SH3PXD2B: variants seen among roughly 807,000 people sequenced by gnomAD.
The protein encoded by SH3PXD2B is SH3 and PX domain-containing protein 2B.
In SH3PXD2B, 37 loss-of-function variants were observed where a neutral mutation model predicts 73.1. The observed-to-expected ratio is 0.51, with a 90% confidence interval of 0.39 to 0.67. SH3PXD2B has a LOEUF of 0.67. Among genes scored for constraint, SH3PXD2B ranks in the 30% least tolerant of loss-of-function variants. The pLI, the probability that SH3PXD2B is intolerant of heterozygous loss-of-function variation, is 0.00. For synonymous variants in SH3PXD2B, 457 were observed against 480.5 expected (o/e 0.95, Z 0.64); for missense variants, 1,053 against 1,197.8 (o/e 0.88, Z 1.78).
chr5:172,430,042 G>A (rs999228309), intron 1 of SH3PXD2B, among the ~76,000 whole-genome samples: 2 of 152,176 alleles, frequency 1.3e-5, no homozygotes, highest in Admixed American at 6.5e-5. Flanking sequence ...TAACCCCCAT[G>A]ACTCAGTTTC....
intron 12 of SH3PXD2B, among the ~76,000 whole-genome samples, chr5:172,327,150 G>A (rs562833517): frequency 2.6e-5 from 4 of 152,200 alleles, no homozygotes; most frequent in South Asian, 2.1e-4. Context: ...ATGAACCACC[G>A]CGCCTGGCCT....
At chr5:172,350,940 T>C (rs1757148423) in intron 9 of SH3PXD2B, among the ~76,000 whole-genome samples, 2 of 152,170 alleles carry the variant, frequency 1.3e-5, no homozygotes, top group South Asian at 4.1e-4. Context: ...CAGATGGAGA[T>C]CTGTTCACGC....
intron 2 of SH3PXD2B, 122 bp downstream of exon 2, chr5:172,422,294 C>T (rs1758985531): frequency 1.1e-6 from 1 of 923,768 alleles, no homozygotes; most frequent in Non-Finnish European, 1.7e-6. Context: ...CACGCCCAGC[C>T]ATGGATGTCA....
intron 12 of SH3PXD2B, among the ~76,000 whole-genome samples, chr5:172,342,838 G>C (rs1046860653): frequency 3.3e-5 from 5 of 152,170 alleles, no homozygotes; most frequent in African/African-American, 4.8e-5. Flanking sequence ...ATGGCTGCGG[G>C]TACTTTGTGG....
intron 4 of SH3PXD2B, among the ~76,000 whole-genome samples, chr5:172,391,368 T>C (rs1424632681): frequency 6.6e-6 from 1 of 152,254 alleles, no homozygotes; most frequent in Non-Finnish European, 1.5e-5. Flanking sequence ...AAAATCGGGT[T>C]GTCTTACTAT....
chr5:172,393,672 G>A (rs1213018337), intron 4 of SH3PXD2B, among the ~76,000 whole-genome samples: 1 of 152,138 alleles, frequency 6.6e-6, no homozygotes, highest in Non-Finnish European at 1.5e-5. Context: ...AACATTTCTT[G>A]CTATTCCTAC....
intron 7 of SH3PXD2B, among the ~76,000 whole-genome samples, chr5:172,361,466 G>C (rs1213323614): frequency 1.3e-5 from 2 of 152,084 alleles, no homozygotes; most frequent in African/African-American, 4.8e-5. Flanking sequence ...GCTGCCCTCT[G>C]GACATACCAA....
intron 2 of SH3PXD2B, among the ~76,000 whole-genome samples, chr5:172,418,837 C>T (rs1758884989): frequency 6.6e-6 from 1 of 152,152 alleles, no homozygotes; most frequent in African/African-American, 2.4e-5. Context: ...TTATGCTGAG[C>T]ATGGAGGAAA....
intron 9 of SH3PXD2B, among the ~76,000 whole-genome samples, chr5:172,351,648 G>A (rs1158055875): frequency 6.6e-6 from 1 of 152,116 alleles, no homozygotes; most frequent in Non-Finnish European, 1.5e-5. Flanking sequence ...AGAGCTGGTT[G>A]TTAAACATTT....
At chr5:172,389,928 G>C (rs796682889) in intron 4 of SH3PXD2B, among the ~76,000 whole-genome samples, 7 of 152,234 alleles carry the variant, frequency 4.6e-5, no homozygotes, top group African/African-American at 1.7e-4. Context: ...ATGTTGCCCA[G>C]GCTGGTCTCA....
chr5:172,341,817 ATT>A (rs35817977), intron 12 of SH3PXD2B, among the ~76,000 whole-genome samples: 2 of 145,018 alleles, frequency 1.4e-5, no homozygotes, highest in Admixed American at 6.9e-5. Context: ...TGCCCGGCTA[ATT>A]TTTTTTTTTT....
At chr5:172,415,331 A>G (rs1581321453) in intron 2 of SH3PXD2B, among the ~76,000 whole-genome samples, 1 of 152,262 alleles carries the variant, frequency 6.6e-6, no homozygotes, top group African/African-American at 2.4e-5. Context: ...TGTATCTTAG[A>G]GGGAGGAGCC....
intron 5 of SH3PXD2B, among the ~76,000 whole-genome samples, chr5:172,375,429 T>C (rs948222315): frequency 3.3e-5 from 5 of 152,154 alleles, no homozygotes; most frequent in African/African-American, 1.2e-4. Context: ...TTTTAGTATA[T>C]TCACAAGGTT....
At chr5:172,420,145 C>T (rs1313150264) in intron 2 of SH3PXD2B, among the ~76,000 whole-genome samples, 3 of 152,202 alleles carry the variant, frequency 2.0e-5, no homozygotes, top group Admixed American at 1.3e-4. Context: ...CCCCAGTGTT[C>T]GCTCCTGTCA....
At chr5:172,341,558 C>G (rs1437503169) in intron 12 of SH3PXD2B, among the ~76,000 whole-genome samples, 1 of 152,236 alleles carries the variant, frequency 6.6e-6, no homozygotes, top group East Asian at 1.9e-4. Flanking sequence ...CCCCAGAAGG[C>G]AAGCAGATGC....
At chr5:172,401,389 C>T (rs1300752960) in intron 3 of SH3PXD2B, among the ~76,000 whole-genome samples, 3 of 152,126 alleles carry the variant, frequency 2.0e-5, no homozygotes, top group Admixed American at 6.5e-5. Flanking sequence ...GGAGCTGAGG[C>T]GTTAGATCAG....
At chr5:172,362,358 T>C (rs1280787058) in intron 7 of SH3PXD2B, among the ~76,000 whole-genome samples, 1 of 152,150 alleles carries the variant, frequency 6.6e-6, no homozygotes, top group Non-Finnish European at 1.5e-5. Context: ...GGAATGCGCC[T>C]GTCCCATTAG....
At chr5:172,346,802 A>G (rs976830907) in intron 11 of SH3PXD2B, among the ~76,000 whole-genome samples, 8 of 152,290 alleles carry the variant, frequency 5.3e-5, no homozygotes, top group African/African-American at 1.9e-4. Flanking sequence ...CCAAAAGAGC[A>G]AGACCCCGTC....
At chr5:172,431,276 G>T (rs1561579687) in intron 1 of SH3PXD2B, among the ~76,000 whole-genome samples, 1 of 152,232 alleles carries the variant, frequency 6.6e-6, no homozygotes, top group East Asian at 1.9e-4. Flanking sequence ...AGAAATCTGG[G>T]ATCAGCCCTG....
Sources: allele counts gnomAD v4.1 joint callset (sites outside exome capture counted in the v4.1 genomes callset), GRCh38; gene constraint gnomAD v4.1.1; transcripts MANE v1.5; gene names NCBI Gene and HGNC (gene_info 2026-07-23, HGNC 2026-07-21).